The following DLGAP2 variants were observed in gnomAD, a reference collection of about 807,000 sequenced individuals.
DLGAP2 encodes the protein DLG associated protein 2, also known as disks large-associated protein 2.
In DLGAP2, 26 loss-of-function variants were observed where a neutral mutation model predicts 100.3. That is an observed-to-expected ratio of 0.26 (90% CI 0.19 to 0.36). The LOEUF (loss-of-function observed/expected upper bound fraction) is 0.36, where lower values mean the gene tolerates loss of function less well. Ranked by LOEUF, DLGAP2 falls within the 10% of genes least tolerant of loss-of-function variation. The probability of loss-of-function intolerance (pLI) is 1.00; values close to 1 mark genes in which losing one functional copy is unlikely to be tolerated. For synonymous variants in DLGAP2, 886 were observed against 630.1 expected, an observed-to-expected ratio of 1.41 and a Z score of -6.08; for missense variants, 1,858 against 1,453.2, an observed-to-expected ratio of 1.28 and a Z score of -4.53.
At chr8:1,326,530 C>G (rs1801025292) in intron 3 of DLGAP2, among the ~76,000 whole-genome samples, 1 of 151,534 alleles carries the variant, frequency 6.6e-6, no homozygotes, top group African/African-American at 2.4e-5. Flanking sequence ...CGGTCTCGGT[C>G]CGGTCCTGTC....
At chr8:1,411,754 C>G (rs980930820) in intron 3 of DLGAP2, among the ~76,000 whole-genome samples, 13 of 152,170 alleles carry the variant, frequency 8.5e-5, no homozygotes, top group African/African-American at 3.1e-4. Flanking sequence ...AAAATTATTT[C>G]CGTGAACTTT....
intron 1 of DLGAP2, among the ~76,000 whole-genome samples, chr8:882,154 A>C (rs1797813348): frequency 6.6e-6 from 1 of 152,244 alleles, no homozygotes; most frequent in Non-Finnish European, 1.5e-5. Context: ...GTGATGCTCC[A>C]AATGAGACGT....
At chr8:1,450,746 C>T (rs947819275) in intron 3 of DLGAP2, among the ~76,000 whole-genome samples, 3 of 152,084 alleles carry the variant, frequency 2.0e-5, no homozygotes, top group East Asian at 3.9e-4. Context: ...CCGTCCTCCA[C>T]GCAGCATGGC....
intron 8 of DLGAP2, 61 bp downstream of exon 8, chr8:1,633,107 C>G (rs1797690588): frequency 6.5e-7 from 1 of 1,547,474 alleles, no homozygotes; most frequent in South Asian, 1.1e-5. Context: ...TGTCTTCATC[C>G]TAGAAGGAGC....
intron 1 of DLGAP2, among the ~76,000 whole-genome samples, chr8:752,341 G>A (rs1002317991): frequency 2.6e-5 from 4 of 152,194 alleles, no homozygotes; most frequent in African/African-American, 7.2e-5. Flanking sequence ...CTCATGCCTC[G>A]CCTTCCTCCA....
intron 12 of DLGAP2, among the ~76,000 whole-genome samples, chr8:1,687,162 A>G (rs948534155): frequency 1.4e-4 from 21 of 152,290 alleles, no homozygotes; most frequent in Non-Finnish European, 2.6e-4. Flanking sequence ...CAAATACTCA[A>G]ATGATCATTT....
At position 1,026,536 on chromosome 8, in the gene DLGAP2, C is replaced by T. The variant is rs546480870; in HGVS notation, c.73+118570C>T. On this transcript the variant is annotated intron_variant, in intron 2 of 14. Coordinates refer to ENST00000637795, the MANE Select transcript of DLGAP2 (RefSeq NM_001346810.2). The stretch of plus-strand genomic sequence containing the variant: ...GCCAGTTTTTCTAATTATCTTTTTC[C>T]TTTTCTTTGCAGGTTGTCTTATATT... Among the ~76,000 whole-genome samples, 10 of 152,288 alleles carry T rather than the reference C, an allele frequency of 6.6e-5. No homozygotes were observed. In the South Asian group the frequency reaches 1.5e-3, roughly 22 times the overall value.
chr8:914,794 G>A (rs1021871347), intron 2 of DLGAP2, among the ~76,000 whole-genome samples: 4 of 152,234 alleles, frequency 2.6e-5, no homozygotes, highest in Non-Finnish European at 1.5e-5. Flanking sequence ...GAGGGTTCAT[G>A]ACTAAACCTG....
intron 3 of DLGAP2, among the ~76,000 whole-genome samples, chr8:1,350,876 C>T (rs796990038): frequency 0.018 from 137 of 7,530 alleles, 4 homozygotes; most frequent in Admixed American, 0.026. Context: ...GGAAAGGCCG[C>T]GCGGGTCCTG....
rs190875706 is a variant in DLGAP2, at chr8:1,515,400, A to G, written c.172+13969A>G. 9.2e-5 allele frequency among the ~76,000 whole-genome samples: 14 copies of G among 152,144 alleles called. No individual in the cohort carries two copies. In the East Asian group the frequency reaches 9.6e-4, roughly 10 times the overall value. On this transcript the variant is annotated intron_variant, in intron 4 of 14. Transcript: ENST00000637795. ...CATGCACATACATGAACACACAGGC[A>G]TGCACACAGATGTGCACACACACAC...
At chr8:1,048,189 A>G (rs1802568148) in intron 2 of DLGAP2, among the ~76,000 whole-genome samples, 1 of 152,144 alleles carries the variant, frequency 6.6e-6, no homozygotes, top group Non-Finnish European at 1.5e-5. Context: ...GCAGTGTGAG[A>G]CATCTATGAA....
intron 3 of DLGAP2, among the ~76,000 whole-genome samples, chr8:1,374,112 T>TA (rs567126929): frequency 0.016 from 2,341 of 145,182 alleles, 80 homozygotes; most frequent in African/African-American, 0.058. Flanking sequence ...GAGGACTGTG[T>TA]GGTGGAGGTT....
At chr8:1,533,236 T>C (rs754757367) in intron 4 of DLGAP2, among the ~76,000 whole-genome samples, 12 of 152,064 alleles carry the variant, frequency 7.9e-5, no homozygotes, top group South Asian at 2.1e-4. Context: ...CAGTGGCTCA[T>C]GCCTGTAATT....
Position 1,522,226 on chromosome 8 carries a change from T to G in DLGAP2, c.172+20795T>G, listed in dbSNP as rs79821602. Reference sequence around the variant, plus strand: ...CAGACCTTTCGCCCATTTTTCCCAGTTGGGTTTGATGCACCAGCATCCTGC... The same window carrying G: ...CAGACCTTTCGCCCATTTTTCCCAGGTGGGTTTGATGCACCAGCATCCTGC... On this transcript the variant is annotated intron_variant, in intron 4 of 14. Transcript: ENST00000637795. 1.7e-4 allele frequency among the ~76,000 whole-genome samples: 26 copies of G among 152,322 alleles called. No individual in the cohort carries two copies. The East Asian group carries it at 4.4e-3, about 26-fold the overall frequency.
intron 3 of DLGAP2, among the ~76,000 whole-genome samples, chr8:1,462,792 G>A (rs558643947): frequency 5.3e-5 from 8 of 152,330 alleles, no homozygotes; most frequent in East Asian, 1.9e-4. Context: ...CCTCATCTCC[G>A]TGAGATACAG....
intron 4 of DLGAP2, among the ~76,000 whole-genome samples, chr8:1,544,581 G>A (rs1475279044): frequency 3.3e-5 from 5 of 151,996 alleles, no homozygotes; most frequent in Non-Finnish European, 7.4e-5. Context: ...TTGAGTATGT[G>A]GCCTTTTCCC....
intron 1 of DLGAP2, among the ~76,000 whole-genome samples, chr8:858,555 A>G (rs1457274734): frequency 6.6e-6 from 1 of 151,080 alleles, no homozygotes; most frequent in East Asian, 2.0e-4. Context: ...CCGTGGGCAC[A>G]TGTGTGATGC....
intron 2 of DLGAP2, among the ~76,000 whole-genome samples, chr8:994,566 C>A (rs1272795032): frequency 6.6e-6 from 1 of 152,188 alleles, no homozygotes; most frequent in African/African-American, 2.4e-5. Flanking sequence ...GAACAGTGCT[C>A]TTAACTTGTC....
intron 2 of DLGAP2, among the ~76,000 whole-genome samples, chr8:908,425 A>G (rs1490922454): frequency 6.6e-6 from 1 of 152,216 alleles, no homozygotes; most frequent in Non-Finnish European, 1.5e-5. Flanking sequence ...GAAACCCCCA[A>G]GGTCTCAGTG....
Sources: allele counts gnomAD v4.1 joint callset (sites outside exome capture counted in the v4.1 genomes callset), GRCh38; gene constraint gnomAD v4.1.1; transcripts MANE v1.5; gene names NCBI Gene and HGNC (gene_info 2026-07-23, HGNC 2026-07-21).